The following GULP1 variants were observed in gnomAD, a reference collection of about 807,000 sequenced individuals.
GULP1 encodes GULP PTB domain containing engulfment adaptor 1, also known as PTB domain-containing engulfment adapter protein 1.
Under a neutral mutation model 40.9 loss-of-function variants are expected in GULP1, and 19 were observed. That is an observed-to-expected ratio of 0.46 (90% CI 0.32 to 0.68). The LOEUF is 0.68. Ranked by LOEUF, GULP1 falls within the 30% of genes least tolerant of loss-of-function variation. The pLI, the probability that GULP1 is intolerant of heterozygous loss-of-function variation, is 0.03. For synonymous variants in GULP1, 119 were observed against 117.6 expected, an observed-to-expected ratio of 1.01 and a Z score of -0.08; for missense variants, 312 against 362.2, an observed-to-expected ratio of 0.86 and a Z score of 1.12.
chr2:188,485,311 A>G (rs1236139993), intron 4 of GULP1, among the ~76,000 whole-genome samples: 1 of 152,060 alleles, frequency 6.6e-6, no homozygotes, highest in Non-Finnish European at 1.5e-5. Context: ...AAGACATTCT[A>G]CAGGAAGTAG....
At chr2:188,333,201 A>G (rs2041850099) in intron 1 of GULP1, among the ~76,000 whole-genome samples, 1 of 151,820 alleles carries the variant, frequency 6.6e-6, no homozygotes. Context: ...AGCCAAGATC[A>G]TGCCACTGCA....
At chr2:188,347,637 A>C (rs2043867477) in intron 1 of GULP1, among the ~76,000 whole-genome samples, 1 of 138,228 alleles carries the variant, frequency 7.2e-6, no homozygotes, top group African/African-American at 2.7e-5. Flanking sequence ...TTTTTGAGAC[A>C]GGGTCTTGCT....
chr2:188,513,399 G>GTAGATA (rs748230810), intron 4 of GULP1, among the ~76,000 whole-genome samples: 7 of 151,998 alleles, frequency 4.6e-5, no homozygotes, highest in Non-Finnish European at 7.4e-5. Flanking sequence ...TTCAATATAT[G>GTAGATA]TAGATACAAT....
At chr2:188,476,151 T>C (rs1381832890) in intron 2 of GULP1, among the ~76,000 whole-genome samples, 1 of 152,158 alleles carries the variant, frequency 6.6e-6, no homozygotes, top group Non-Finnish European at 1.5e-5. Context: ...GGTTACAGAA[T>C]GTAATGCATT....
At chr2:188,329,513 AGT>A (rs2152029368) in intron 1 of GULP1, among the ~76,000 whole-genome samples, 1 of 152,220 alleles carries the variant, frequency 6.6e-6, no homozygotes, top group South Asian at 2.1e-4. Context: ...TTGACAATGA[AGT>A]GGACTGGGTG....
At chr2:188,468,080 A>G (rs1031574810) in intron 2 of GULP1, among the ~76,000 whole-genome samples, 1 of 152,186 alleles carries the variant, frequency 6.6e-6, no homozygotes, top group Admixed American at 6.5e-5. Flanking sequence ...GAAAATATGT[A>G]TGACTGAATC....
At chr2:188,376,184 A>G (rs188411460) in intron 1 of GULP1, among the ~76,000 whole-genome samples, 2 of 152,356 alleles carry the variant, frequency 1.3e-5, no homozygotes, top group African/African-American at 4.8e-5. Context: ...ATGATAAACT[A>G]AATGCAAAGA....
At chr2:188,328,259 CTA>C (rs1410378122) in intron 1 of GULP1, among the ~76,000 whole-genome samples, 2 of 152,136 alleles carry the variant, frequency 1.3e-5, no homozygotes, top group African/African-American at 2.4e-5. Flanking sequence ...CTTAATCTCT[CTA>C]TTTCCATTTC....
At chr2:188,522,874 T>A (rs765509059) in intron 5 of GULP1, 47 bp downstream of exon 5, 1 of 1,169,684 alleles carries the variant, frequency 8.5e-7, no homozygotes, top group Admixed American at 1.7e-5. Flanking sequence ...GACTCTGTCA[T>A]GTTTTCAGCA....
At chr2:188,315,829 A>C (rs999449913) in intron 1 of GULP1, among the ~76,000 whole-genome samples, 3 of 152,134 alleles carry the variant, frequency 2.0e-5, no homozygotes, top group African/African-American at 7.2e-5. Context: ...CGGTAATAAA[A>C]GTTATATGAA....
intron 2 of GULP1, among the ~76,000 whole-genome samples, chr2:188,394,963 T>A (rs1231611227): frequency 6.6e-6 from 1 of 152,228 alleles, no homozygotes; most frequent in African/African-American, 2.4e-5. Context: ...AACATTTTTA[T>A]GTATTTATTT....
rs1463244465 is a variant in GULP1, at chr2:188,532,234, G to A, written c.261+3039G>A. ...ATTATTCTTCTATTATTGAACATAT[G>A]GAATGTTTCAAATTTTTTGTTAGTT... On this transcript the variant is annotated intron_variant, in intron 6 of 11. Coordinates refer to ENST00000409830, the MANE Select transcript of GULP1 (RefSeq NM_016315.4). Among the ~76,000 whole-genome samples the A allele has an allele frequency of 5.3e-5, 8 of 152,050 alleles. 1 individual carries two copies. Among genetic ancestry groups the A allele is most frequent in the Admixed American group, 3.3e-4 (5 of 15,264 alleles).
At chr2:188,480,511 T>A (rs1434090670) in intron 3 of GULP1, among the ~76,000 whole-genome samples, 1 of 152,002 alleles carries the variant, frequency 6.6e-6, no homozygotes, top group African/African-American at 2.4e-5. Flanking sequence ...TTGATTGAAT[T>A]CACTGATTTT....
chr2:188,457,326 C>T (rs905106377), intron 2 of GULP1, among the ~76,000 whole-genome samples: 7 of 152,150 alleles, frequency 4.6e-5, no homozygotes, highest in African/African-American at 1.7e-4. Flanking sequence ...ACAATTCCCA[C>T]ATGTTGTGGG....
chr2:188,322,905 A>G (rs1006521920), intron 1 of GULP1, among the ~76,000 whole-genome samples: 1 of 152,056 alleles, frequency 6.6e-6, no homozygotes, highest in Non-Finnish European at 1.5e-5. Context: ...TATTCTGGCC[A>G]AAAGCCTTCA....
intron 9 of GULP1, among the ~76,000 whole-genome samples, chr2:188,580,899 G>T (rs993350057): frequency 6.6e-6 from 1 of 152,128 alleles, no homozygotes; most frequent in African/African-American, 2.4e-5. Flanking sequence ...TGTGATTTGC[G>T]GCTGAGGAAT....
rs1704136875 is a variant in GULP1, at chr2:188,594,304, A to C, written c.*293A>C. 5.0e-6 allele frequency: 1 copy of C among 200,910 alleles called. No homozygotes were observed. Among genetic ancestry groups the C allele is most frequent in the African/African-American group, 2.3e-5 (1 of 43,294 alleles). The allele number at this position is 200,910 out of a possible 1,614,324, so 12.4% of individuals were successfully genotyped here. On this transcript the variant is annotated 3_prime_UTR_variant, in exon 12 of 12. Transcript: ENST00000409830. Reference sequence around the variant, plus strand: ...AATACCTGCCTTGTGTCTGAGTTCTATTTAGTTAGCATCTTGAAATTTGTA... The same window carrying C: ...AATACCTGCCTTGTGTCTGAGTTCTCTTTAGTTAGCATCTTGAAATTTGTA...
chr2:188,546,461 A>G (rs1049116686), intron 7 of GULP1, among the ~76,000 whole-genome samples: 3 of 152,098 alleles, frequency 2.0e-5, no homozygotes, highest in Non-Finnish European at 2.9e-5. Flanking sequence ...ATATTCATAA[A>G]TATTCCATAC....
At chr2:188,549,410 G>C (rs74994147) in intron 7 of GULP1, among the ~76,000 whole-genome samples, 8 of 151,778 alleles carry the variant, frequency 5.3e-5, no homozygotes, top group African/African-American at 1.9e-4. Context: ...GTCAAACATT[G>C]GTGTCCATTA....
Sources: allele counts gnomAD v4.1 joint callset (sites outside exome capture counted in the v4.1 genomes callset), GRCh38; gene constraint gnomAD v4.1.1; transcripts MANE v1.5; gene names NCBI Gene and HGNC (gene_info 2026-07-23, HGNC 2026-07-21).